COLEC12: variants seen among roughly 807,000 people sequenced by gnomAD.
COLEC12 encodes collectin subfamily member 12.
A neutral mutation model predicts 71.1 loss-of-function variants in COLEC12; 33 were observed. The observed-to-expected ratio is 0.46, with a 90% confidence interval of 0.35 to 0.62. COLEC12 has a LOEUF of 0.62. COLEC12 is among the 20% of genes least tolerant of loss of function. The pLI, the probability that COLEC12 is intolerant of heterozygous loss-of-function variation, is 0.00. For synonymous variants in COLEC12, 350 were observed against 353.0 expected (o/e 0.99, Z 0.10); for missense variants, 765 against 916.1 (o/e 0.84, Z 2.13).
chr18:349,948 C>T (rs541423731), intron 3 of COLEC12, among the ~76,000 whole-genome samples: 117 of 152,208 alleles, frequency 7.7e-4, no homozygotes, highest in African/African-American at 2.6e-3. Flanking sequence ...GGCTCATAGG[C>T]GGAAGGGACT....
intron 3 of COLEC12, 25 bp from the exon 4 acceptor site, chr18:348,188 A>G: frequency 7.4e-7 from 1 of 1,344,896 alleles, no homozygotes; most frequent in Non-Finnish European, 1.1e-6. Context: ...ATGATGCATT[A>G]GTATACATAT....
chr18:461,838 C>G (rs551709413), intron 2 of COLEC12, among the ~76,000 whole-genome samples: 5 of 152,144 alleles, frequency 3.3e-5, no homozygotes, highest in Admixed American at 2.0e-4. Flanking sequence ...AGGTACAGCA[C>G]TGCCCTGTAC....
chr18:471,662 A>T (rs549211569), intron 2 of COLEC12, among the ~76,000 whole-genome samples: 1 of 151,184 alleles, frequency 6.6e-6, no homozygotes, highest in South Asian at 2.1e-4. Context: ...ATAAATAATA[A>T]TATAAATTGT....
At chr18:384,628 T>C (rs982544276) in intron 2 of COLEC12, among the ~76,000 whole-genome samples, 6 of 152,172 alleles carry the variant, frequency 3.9e-5, no homozygotes, top group Non-Finnish European at 8.8e-5. Context: ...GCTGTGCACG[T>C]AAGCTAGAGT....
chr18:483,914 C>A (rs565905127), intron 1 of COLEC12, among the ~76,000 whole-genome samples: 2 of 152,224 alleles, frequency 1.3e-5, no homozygotes, highest in African/African-American at 4.8e-5. Context: ...CCCAGACATC[C>A]GTGCCCTTGG....
intron 1 of COLEC12, among the ~76,000 whole-genome samples, chr18:482,992 A>G (rs771326946): frequency 2.0e-4 from 30 of 152,254 alleles, no homozygotes; most frequent in Non-Finnish European, 4.0e-4. Flanking sequence ...CAAAAGAGAC[A>G]TGATCTAGCT....
intron 5 of COLEC12, among the ~76,000 whole-genome samples, chr18:344,712 G>C (rs1914333628): frequency 1.3e-5 from 2 of 152,154 alleles, no homozygotes; most frequent in Admixed American, 1.3e-4. Context: ...CTTCCTTCCA[G>C]CCATGCCTTC....
chr18:449,297 A>G (rs1916712194), intron 2 of COLEC12, among the ~76,000 whole-genome samples: 2 of 152,144 alleles, frequency 1.3e-5, no homozygotes, highest in Admixed American at 1.3e-4. Context: ...TAAAAAAATA[A>G]CTCTAGTGTG....
At chr18:485,997 G>C (rs1208279632) in intron 1 of COLEC12, among the ~76,000 whole-genome samples, 2 of 152,124 alleles carry the variant, frequency 1.3e-5, no homozygotes, top group African/African-American at 4.8e-5. Flanking sequence ...AGTAGTTGTT[G>C]AAAATTAAGG....
At chr18:499,890 G>T (rs1567927567) in intron 1 of COLEC12, among the ~76,000 whole-genome samples, 2 of 152,262 alleles carry the variant, frequency 1.3e-5, no homozygotes, top group African/African-American at 4.8e-5. Flanking sequence ...CCCAAGGCGG[G>T]CACGTGGAAG....
chr18:389,226 C>T lies in COLEC12; in HGVS notation c.59-31704G>A, dbSNP rs573317877. ...ACACACAGACACACACACACACACA[C>T]GGCCATGATATAGAATACTGTGCAG... On this transcript the variant is annotated intron_variant, in intron 2 of 9. Transcript: ENST00000400256. Among the ~76,000 whole-genome samples, 130 of 146,280 alleles carry T rather than the reference C, an allele frequency of 8.9e-4. 2 individuals are homozygous for T. Among genetic ancestry groups the T allele is most frequent in the Admixed American group, 7.9e-3 (114 of 14,460 alleles).
intron 2 of COLEC12, among the ~76,000 whole-genome samples, chr18:425,887 C>G (rs1432798237): frequency 6.6e-6 from 1 of 152,188 alleles, no homozygotes; most frequent in African/African-American, 2.4e-5. Flanking sequence ...AAATGAACCC[C>G]AAGCTAAGCC....
At position 500,258 on chromosome 18, in the gene COLEC12, T is replaced by C. The variant is rs1917794715; in HGVS notation, c.7+250A>G. ...CAACGACTTAGGGCTTCAAACTACT[T>C]GCAAAGACGCGATGGGGAGGGGAAT... On this transcript the variant is annotated intron_variant, in intron 1 of 9. Coordinates refer to ENST00000400256, the MANE Select transcript of COLEC12 (RefSeq NM_130386.3). The surrounding 1 kb of genome is among the most constrained non-coding windows in gnomAD (Gnocchi z 5.3). Among the ~76,000 whole-genome samples, 1 of 152,110 alleles carries C rather than the reference T, an allele frequency of 6.6e-6. No homozygotes were observed. The highest frequency in any genetic ancestry group is 1.5e-5 in the Non-Finnish European group (1 of 68,016).
rs1914763530 is a variant in COLEC12, at chr18:362,266, T to A, written c.59-4744A>T. On this transcript the variant is annotated intron_variant, in intron 2 of 9. Coordinates refer to ENST00000400256, the MANE Select transcript of COLEC12 (RefSeq NM_130386.3). The surrounding 1 kb of genome is among the most constrained non-coding windows in gnomAD (Gnocchi z 4.6). ...TGACTCTATCAGCATTTAATCAATA[T>A]CAGATGGCACTGCCTGGCCTCCCTT... Among the ~76,000 whole-genome samples, 1 of 152,188 alleles carries A rather than the reference T, an allele frequency of 6.6e-6. No homozygotes were observed. The highest frequency in any genetic ancestry group is 1.5e-5 in the Non-Finnish European group (1 of 68,028).
intron 2 of COLEC12, among the ~76,000 whole-genome samples, chr18:441,141 G>T (rs969836005): frequency 6.9e-6 from 1 of 145,850 alleles, no homozygotes; most frequent in Non-Finnish European, 1.5e-5. Flanking sequence ...CCAGCTGCTG[G>T]GGAGGCTGAG....
chr18:451,165 GCTCCTGC>G (rs1423119794), intron 2 of COLEC12, among the ~76,000 whole-genome samples: 1 of 152,178 alleles, frequency 6.6e-6, no homozygotes, highest in Admixed American at 6.5e-5. Flanking sequence ...CTTGACTCCT[GCTCCTGC>G]CTCCTGCCTG....
At chr18:434,693 T>C (rs1598362099) in intron 2 of COLEC12, among the ~76,000 whole-genome samples, 1 of 152,238 alleles carries the variant, frequency 6.6e-6, no homozygotes, top group East Asian at 1.9e-4. Context: ...ACTTCCCTGG[T>C]CATAGTGCCA....
intron 2 of COLEC12, among the ~76,000 whole-genome samples, chr18:471,989 A>AC (rs1917208275): frequency 6.6e-6 from 1 of 152,204 alleles, no homozygotes; most frequent in African/African-American, 2.4e-5. Context: ...CACTGTAGCC[A>AC]CCTTGTGCCC....
At chr18:426,937 G>T (rs937258655) in intron 2 of COLEC12, among the ~76,000 whole-genome samples, 3 of 152,102 alleles carry the variant, frequency 2.0e-5, no homozygotes, top group African/African-American at 7.2e-5. Flanking sequence ...TTCCCTAAGG[G>T]TCTGCAATAT....
Sources: gnomAD v4.1 joint callset for allele counts (sites outside exome capture counted in the v4.1 genomes callset) on GRCh38, gnomAD v4.1.1 for gene constraint, Gnocchi (gnomAD v3.1) non-coding constraint, MANE v1.5 for transcripts, NCBI Gene and HGNC (gene_info 2026-07-23, HGNC 2026-07-21) for gene names.